The following IL1RAPL1 variants were observed in gnomAD, a reference collection of about 807,000 sequenced individuals.
IL1RAPL1 encodes interleukin 1 receptor accessory protein like 1.
Under a neutral mutation model 48.4 loss-of-function variants are expected in IL1RAPL1, and 3 were observed. The observed-to-expected ratio is 0.06, with a 90% CI of 0.03 to 0.16. The LOEUF is 0.16. IL1RAPL1 is among the 10% of genes least tolerant of loss of function. IL1RAPL1 has a pLI of 1.00. For synonymous variants in IL1RAPL1, 185 were observed against 187.7 expected (o/e 0.99, Z 0.12); for missense variants, 349 against 530.6 (o/e 0.66, Z 3.36).
At chrX:28,827,491 C>T (rs752910473) in intron 2 of IL1RAPL1, among the ~76,000 whole-genome samples, 1 of 111,351 alleles carries the variant, frequency 9.0e-6, no homozygotes, top group Non-Finnish European at 1.9e-5. Context: ...TTTCTTCTGA[C>T]TTTATTAGGT....
chrX:29,240,803 G>C (rs1247748012), intron 2 of IL1RAPL1, among the ~76,000 whole-genome samples: 1 of 111,670 alleles, frequency 9.0e-6, no homozygotes, highest in Non-Finnish European at 1.9e-5. Flanking sequence ...TCAACCAAAA[G>C]TAATGGTTTG....
intron 1 of IL1RAPL1, among the ~76,000 whole-genome samples, chrX:28,701,146 T>G (rs1427813907): frequency 1.8e-5 from 2 of 111,545 alleles, no homozygotes; most frequent in African/African-American, 6.5e-5. Context: ...TCCACAATGG[T>G]TGAACTAATT....
chrX:29,238,671 C>G (rs1483225595), intron 2 of IL1RAPL1, among the ~76,000 whole-genome samples: 1 of 112,107 alleles, frequency 8.9e-6, no homozygotes, highest in African/African-American at 3.2e-5. Flanking sequence ...TAGAGATCAC[C>G]AAGACCCAAT....
At chrX:29,779,073 C>A (rs1366461027) in intron 6 of IL1RAPL1, among the ~76,000 whole-genome samples, 4 of 111,484 alleles carry the variant, frequency 3.6e-5, no homozygotes, top group African/African-American at 1.3e-4. Context: ...ACTTTGAGTA[C>A]CTCGATATTA....
At chrX:28,643,645 C>A (rs774929245) in intron 1 of IL1RAPL1, among the ~76,000 whole-genome samples, 2 of 111,193 alleles carry the variant, frequency 1.8e-5, no homozygotes, top group South Asian at 7.6e-4. Flanking sequence ...AAAAAAAAAA[C>A]TTAATTAAAA....
intron 6 of IL1RAPL1, among the ~76,000 whole-genome samples, chrX:29,772,785 A>G (rs1264326088): frequency 9.0e-6 from 1 of 111,515 alleles, no homozygotes; most frequent in African/African-American, 3.3e-5. Flanking sequence ...AGCGCCTTCT[A>G]CTTTCATTTC....
intron 1 of IL1RAPL1, among the ~76,000 whole-genome samples, chrX:28,692,067 A>C (rs1256695489): frequency 1.8e-5 from 2 of 111,106 alleles, no homozygotes; most frequent in Admixed American, 1.9e-4. Context: ...AGCAAGAGAC[A>C]GACAGGGGGA....
intron 2 of IL1RAPL1, among the ~76,000 whole-genome samples, chrX:29,037,802 A>G: frequency 8.9e-6 from 1 of 111,957 alleles, no homozygotes; most frequent in Non-Finnish European, 1.9e-5. Context: ...GGGATATAGC[A>G]TGAGTCCAGT....
intron 2 of IL1RAPL1, among the ~76,000 whole-genome samples, chrX:28,986,433 T>A (rs367658851): frequency 9.8e-5 from 11 of 112,463 alleles, no homozygotes; most frequent in African/African-American, 3.5e-4. Flanking sequence ...GTTAAGTAAA[T>A]GGAGGAACAT....
intron 6 of IL1RAPL1, among the ~76,000 whole-genome samples, chrX:29,835,012 A>C (rs962352706): frequency 6.2e-5 from 7 of 112,116 alleles, no homozygotes; most frequent in African/African-American, 9.7e-5. Context: ...TTGGCCAAAC[A>C]TTCAAAAACA....
chrX:29,172,587 A>G (rs1929930654), intron 2 of IL1RAPL1, among the ~76,000 whole-genome samples: 3 of 111,960 alleles, frequency 2.7e-5, no homozygotes, highest in South Asian at 3.7e-4. Flanking sequence ...TGCTAATACA[A>G]TACAATTAAC....
chrX:29,164,168 T>G lies in IL1RAPL1; in HGVS notation c.83-118770T>G, dbSNP rs775423279. Among the ~76,000 whole-genome samples, 6 of 111,637 alleles carry G rather than the reference T, an allele frequency of 5.4e-5. 1 individual carries two copies. The South Asian group carries it at 2.3e-3, about 42-fold the overall frequency. ...TTCTGCTATTTAGCCACTTCTTCCT[T>G]TGTGACCTGACTTTGGACGGCACAC... On this transcript the variant is annotated intron_variant, in intron 2 of 10. Transcript: ENST00000378993.
chrX:29,540,329 CA>C (rs1338952154), intron 5 of IL1RAPL1, among the ~76,000 whole-genome samples: 1 of 110,964 alleles, frequency 9.0e-6, no homozygotes, highest in Non-Finnish European at 1.9e-5. Flanking sequence ...TTGGAATAGT[CA>C]ATATCATTAA....
chrX:29,063,621 T>G (rs1351733636), intron 2 of IL1RAPL1, among the ~76,000 whole-genome samples: 1 of 111,735 alleles, frequency 8.9e-6, no homozygotes, highest in African/African-American at 3.3e-5. Context: ...AATGCCTGAT[T>G]TGTGGTTAGT....
intron 1 of IL1RAPL1, among the ~76,000 whole-genome samples, chrX:28,595,337 A>T (rs1463276424): frequency 1.8e-5 from 2 of 112,699 alleles, no homozygotes; most frequent in Non-Finnish European, 3.7e-5. Flanking sequence ...GAAATGTTTG[A>T]CAAATGAATC....
chrX:29,074,049 T>G (rs1204504732), intron 2 of IL1RAPL1, among the ~76,000 whole-genome samples: 1 of 111,765 alleles, frequency 8.9e-6, no homozygotes, highest in Non-Finnish European at 1.9e-5. Context: ...AGGGGGCAAT[T>G]TATTGATTAC....
At chrX:29,006,527 A>G (rs1925982477) in intron 2 of IL1RAPL1, among the ~76,000 whole-genome samples, 3 of 108,303 alleles carry the variant, frequency 2.8e-5, no homozygotes, top group Non-Finnish European at 5.7e-5. Flanking sequence ...AAAAAAAAAA[A>G]AAAATCCCAC....
intron 5 of IL1RAPL1, among the ~76,000 whole-genome samples, chrX:29,493,758 G>A (rs148513517): frequency 0.022 from 2,458 of 111,337 alleles, 71 homozygotes; most frequent in African/African-American, 0.074. Context: ...GGTTTGGGGT[G>A]TGAATGATCC....
At chrX:29,839,190 A>G (rs930985958) in intron 6 of IL1RAPL1, among the ~76,000 whole-genome samples, 2 of 112,163 alleles carry the variant, frequency 1.8e-5, no homozygotes, top group African/African-American at 6.5e-5. Context: ...ATGTATAAGA[A>G]ACTATGAGCC....
Sources: gnomAD v4.1 joint callset for allele counts (sites outside exome capture counted in the v4.1 genomes callset) on GRCh38, gnomAD v4.1.1 for gene constraint, MANE v1.5 for transcripts, NCBI Gene and HGNC (gene_info 2026-07-23, HGNC 2026-07-21) for gene names.